TAFA4: variants seen among roughly 807,000 people sequenced by gnomAD.
TAFA4 encodes TAFA chemokine like family member 4.
Under a neutral mutation model 21.1 loss-of-function variants are expected in TAFA4, and 20 were observed. The observed-to-expected ratio is 0.95, with a 90% CI of 0.67 to 1.38. The LOEUF (loss-of-function observed/expected upper bound fraction) is 1.38. Among genes scored for constraint, TAFA4 ranks in the 40% most tolerant of loss-of-function variants. The pLI is 0.00. For synonymous variants in TAFA4, 71 were observed against 67.4 expected, an observed-to-expected ratio of 1.05 and a Z score of -0.26; for missense variants, 211 against 180.9, an observed-to-expected ratio of 1.17 and a Z score of -0.95.
chr3:68,844,652 C>T (rs1704744094), intron 3 of TAFA4, among the ~76,000 whole-genome samples: 4 of 152,086 alleles, frequency 2.6e-5, no homozygotes, highest in Admixed American at 2.6e-4. Flanking sequence ...CCTGTGGGCA[C>T]TTAGTGGTAT....
At chr3:68,861,968 C>T (rs962015693) in intron 3 of TAFA4, among the ~76,000 whole-genome samples, 1 of 152,104 alleles carries the variant, frequency 6.6e-6, no homozygotes, top group Non-Finnish European at 1.5e-5. Flanking sequence ...GGTCCCCACA[C>T]TGCCATATTA....
At chr3:68,921,258 C>G (rs963722071) in intron 1 of TAFA4, among the ~76,000 whole-genome samples, 1 of 152,082 alleles carries the variant, frequency 6.6e-6, no homozygotes, top group Non-Finnish European at 1.5e-5. Flanking sequence ...CCCAGTCCAT[C>G]CGCTCTGCTT....
At position 68,918,075 on chromosome 3, in the gene TAFA4, T is replaced by C. The variant is rs140899172; in HGVS notation, c.-123+14165A>G. 2.1e-3 allele frequency among the ~76,000 whole-genome samples: 321 copies of C among 151,994 alleles called. 1 individual carries two copies. The highest frequency in any genetic ancestry group is 7.5e-3 in the African/African-American group (311 of 41,432). ...TAGGTTAGGGATTTATTGCTTAAGGTTTTCTCTCATGAGACAACATTTGAG... is the reference window on the plus strand; with the variant it reads ...TAGGTTAGGGATTTATTGCTTAAGGCTTTCTCTCATGAGACAACATTTGAG... On this transcript the variant is annotated intron_variant, in intron 1 of 5. Transcript: ENST00000295569.
intron 1 of TAFA4, among the ~76,000 whole-genome samples, chr3:68,917,792 T>G (rs1370740781): frequency 7.2e-6 from 1 of 138,608 alleles, no homozygotes. Flanking sequence ...CCAGGAACAA[T>G]GGTATTTACC....
At chr3:68,868,918 C>A in intron 3 of TAFA4, among the ~76,000 whole-genome samples, 1 of 150,788 alleles carries the variant, frequency 6.6e-6, no homozygotes, top group African/African-American at 2.4e-5. Context: ...TTAAAAAATA[C>A]AAAAGATTAA....
intron 3 of TAFA4, among the ~76,000 whole-genome samples, chr3:68,833,423 T>C (rs1169195592): frequency 6.6e-6 from 1 of 152,192 alleles, no homozygotes; most frequent in African/African-American, 2.4e-5. Flanking sequence ...TCTAGAATCT[T>C]CCATGCATGA....
intron 4 of TAFA4, among the ~76,000 whole-genome samples, chr3:68,744,612 G>T (rs1413166406): frequency 6.6e-6 from 1 of 152,120 alleles, no homozygotes; most frequent in Non-Finnish European, 1.5e-5. Context: ...TGAACCCATG[G>T]GGACACAAGG....
intron 3 of TAFA4, among the ~76,000 whole-genome samples, chr3:68,790,253 T>G (rs1434409657): frequency 6.6e-6 from 1 of 151,770 alleles, no homozygotes; most frequent in African/African-American, 2.4e-5. Context: ...ATGTACATTT[T>G]AAGCCCTAGA....
rs561718096 is a variant in TAFA4, at chr3:68,831,567, G to T, written c.130+49163C>A. ...AATCAGATCTGCTGTTAGTCTGACG[G>T]GCTTCCCTTTGTGGGTAACCCGACC... On this transcript the variant is annotated intron_variant, in intron 3 of 5. Transcript: ENST00000295569. 8.7e-3 allele frequency among the ~76,000 whole-genome samples: 1,318 copies of T among 152,138 alleles called. 16 individuals carry two copies. The highest frequency in any genetic ancestry group is 0.015 in the Non-Finnish European group (988 of 67,972).
chr3:68,856,466 C>T (rs993277468), intron 3 of TAFA4, among the ~76,000 whole-genome samples: 2 of 152,088 alleles, frequency 1.3e-5, no homozygotes, highest in Non-Finnish European at 2.9e-5. Flanking sequence ...TTTACCTATT[C>T]CCTCTTAGAA....
At chr3:68,812,081 A>G (rs546150869) in intron 3 of TAFA4, among the ~76,000 whole-genome samples, 5 of 152,354 alleles carry the variant, frequency 3.3e-5, no homozygotes, top group African/African-American at 4.8e-5. Context: ...ACTAAGCTTC[A>G]TAAGTGAAGA....
chr3:68,897,354 C>T (rs1198126882), intron 1 of TAFA4, among the ~76,000 whole-genome samples: 1 of 150,558 alleles, frequency 6.6e-6, no homozygotes, highest in Non-Finnish European at 1.5e-5. Context: ...TGGCCAGGTA[C>T]GGGGGCTCAT....
At chr3:68,883,030 A>G (rs1269151907) in intron 2 of TAFA4, 2 of 152,284 alleles carry the variant, frequency 1.3e-5, no homozygotes, top group African/African-American at 4.8e-5. Context: ...GGGCCTAGTT[A>G]GAGCTTGGAC....
At chr3:68,908,533 A>C (rs958776155) in intron 1 of TAFA4, among the ~76,000 whole-genome samples, 19 of 152,234 alleles carry the variant, frequency 1.2e-4, no homozygotes, top group African/African-American at 4.6e-4. Flanking sequence ...AAAAAAAAAA[A>C]AATATCCATC....
At chr3:68,838,515 G>GT (rs1704576523) in intron 3 of TAFA4, among the ~76,000 whole-genome samples, 1 of 152,122 alleles carries the variant, frequency 6.6e-6, no homozygotes. Flanking sequence ...CAAGTATTTC[G>GT]TGAGAACCTG....
intron 1 of TAFA4, among the ~76,000 whole-genome samples, chr3:68,922,929 C>T (rs1202009426): frequency 6.6e-6 from 1 of 152,186 alleles, no homozygotes; most frequent in Non-Finnish European, 1.5e-5. Flanking sequence ...AGGCCAGTAT[C>T]AATGGCAGAG....
At chr3:68,881,410 G>A (rs2089616758) in intron 2 of TAFA4, among the ~76,000 whole-genome samples, 1 of 152,168 alleles carries the variant, frequency 6.6e-6, no homozygotes, top group South Asian at 2.1e-4. Flanking sequence ...ATGATGGACA[G>A]TATCAAAACA....
chr3:68,852,212 G>T (rs1704967617), intron 3 of TAFA4, among the ~76,000 whole-genome samples: 1 of 152,128 alleles, frequency 6.6e-6, no homozygotes, highest in South Asian at 2.1e-4. Flanking sequence ...GGAGAGAGAG[G>T]ACTCTTTTGT....
chr3:68,881,786 T>C (rs1006987872), intron 2 of TAFA4, among the ~76,000 whole-genome samples: 6 of 152,186 alleles, frequency 3.9e-5, no homozygotes, highest in Admixed American at 3.9e-4. Context: ...GTACCTGAGT[T>C]TGGCTTCTTG....
Sources: allele counts gnomAD v4.1 joint callset (sites outside exome capture counted in the v4.1 genomes callset), GRCh38; gene constraint gnomAD v4.1.1; transcripts MANE v1.5; gene names NCBI Gene and HGNC (gene_info 2026-07-23, HGNC 2026-07-21).